ADGRL2: variants seen among roughly 807,000 people sequenced by gnomAD.
The protein encoded by ADGRL2 is adhesion G protein-coupled receptor L2, also known as calcium-independent alpha-latrotoxin receptor 2.
A neutral mutation model predicts 157.4 loss-of-function variants in ADGRL2; 44 were observed. That is an observed-to-expected ratio of 0.28 (90% CI 0.22 to 0.36). The LOEUF (loss-of-function observed/expected upper bound fraction) is 0.36, where lower values mean the gene tolerates loss of function less well. ADGRL2 is among the 10% of genes least tolerant of loss of function. The probability of loss-of-function intolerance (pLI) is 1.00; values close to 1 mark genes in which losing one functional copy is unlikely to be tolerated. For missense variants in ADGRL2, 1,510 were observed against 1,768.9 expected (o/e 0.85, Z 2.63); for synonymous variants, 585 against 624.7 (o/e 0.94, Z 0.95).
intron 2 of ADGRL2, among the ~76,000 whole-genome samples, chr1:81,880,677 C>T (rs903394344): frequency 1.3e-5 from 2 of 152,022 alleles, no homozygotes; most frequent in Non-Finnish European, 2.9e-5. Flanking sequence ...CGCCCCCCGC[C>T]CCATTCCGTC....
At chr1:81,482,039 T>G (rs1570231195) in intron 2 of ADGRL2, among the ~76,000 whole-genome samples, 1 of 152,238 alleles carries the variant, frequency 6.6e-6, no homozygotes, top group Non-Finnish European at 1.5e-5. Flanking sequence ...CTAAACTCTC[T>G]TTTAGTCTGA....
chr1:81,589,259 A>T (rs767024925), intron 3 of ADGRL2, among the ~76,000 whole-genome samples: 2 of 152,124 alleles, frequency 1.3e-5, no homozygotes, highest in Non-Finnish European at 2.9e-5. Context: ...GGTCCAATTA[A>T]CATGATTTTA....
At chr1:81,369,135 G>A (rs2076118270) in intron 1 of ADGRL2, among the ~76,000 whole-genome samples, 1 of 152,052 alleles carries the variant, frequency 6.6e-6, no homozygotes, top group South Asian at 2.1e-4. Context: ...GTGGGTGTGG[G>A]AGGGTTGGGA....
At chr1:81,522,067 C>T (rs1397065458) in intron 2 of ADGRL2, among the ~76,000 whole-genome samples, 2 of 150,832 alleles carry the variant, frequency 1.3e-5, no homozygotes, top group Admixed American at 6.6e-5. Context: ...TGGGTTCCGG[C>T]GATTCTCCTT....
chr1:81,536,981 A>C, intron 2 of ADGRL2, among the ~76,000 whole-genome samples: 1 of 152,244 alleles, frequency 6.6e-6, no homozygotes, highest in East Asian at 1.9e-4. Flanking sequence ...TACTGTGTGA[A>C]GTAAGAATAA....
intron 1 of ADGRL2, among the ~76,000 whole-genome samples, chr1:81,409,779 G>A (rs1343615422): frequency 6.6e-6 from 1 of 152,160 alleles, no homozygotes; most frequent in Non-Finnish European, 1.5e-5. Flanking sequence ...CTCAAAAGAA[G>A]AAGTGTGCAA....
intron 2 of ADGRL2, among the ~76,000 whole-genome samples, chr1:81,775,363 C>T (rs1031596648): frequency 7.2e-5 from 11 of 152,126 alleles, no homozygotes; most frequent in African/African-American, 2.7e-4. Flanking sequence ...CCCAGATAAA[C>T]TCTGCTGTAG....
chr1:81,531,535 C>T (rs188832674), intron 2 of ADGRL2, among the ~76,000 whole-genome samples: 5 of 152,208 alleles, frequency 3.3e-5, no homozygotes, highest in Admixed American at 3.3e-4. Flanking sequence ...AAGAAGAAAA[C>T]CAAACTCTCA....
chr1:81,753,034 G>C (rs2085540181), intron 1 of ADGRL2, among the ~76,000 whole-genome samples: 1 of 152,140 alleles, frequency 6.6e-6, no homozygotes, highest in African/African-American at 2.4e-5. Flanking sequence ...AACAAGAACA[G>C]GCTATGCAGG....
intron 3 of ADGRL2, among the ~76,000 whole-genome samples, chr1:81,683,023 C>T (rs2083153447): frequency 6.6e-6 from 1 of 152,160 alleles, no homozygotes; most frequent in South Asian, 2.1e-4. Flanking sequence ...ATCCCAGCTA[C>T]TCAGGAGGCT....
intron 2 of ADGRL2, among the ~76,000 whole-genome samples, chr1:81,874,607 T>C (rs151210745): frequency 6.9e-6 from 1 of 144,426 alleles, no homozygotes; most frequent in Non-Finnish European, 1.5e-5. Context: ...TGTCTTGTCT[T>C]GTTTGTCTTG....
At chr1:81,987,827 C>A in intron 22 of ADGRL2, 42 bp from the exon 23 acceptor site, 1 of 294,880 alleles carries the variant, frequency 3.4e-6, no homozygotes. Flanking sequence ...CTTCTCTTTT[C>A]ATTCTCTTGT....
intron 3 of ADGRL2, among the ~76,000 whole-genome samples, chr1:81,661,215 T>TC (rs566885410): frequency 1.3e-3 from 193 of 152,206 alleles, no homozygotes; most frequent in Non-Finnish European, 2.2e-3. Context: ...ATTGTGCCCC[T>TC]AGGAAATTAA....
chr1:81,579,107 T>A (rs2080855304), intron 2 of ADGRL2, among the ~76,000 whole-genome samples: 1 of 152,128 alleles, frequency 6.6e-6, no homozygotes, highest in Admixed American at 6.6e-5. Flanking sequence ...ATGGGAAGAA[T>A]CTCTTACTAT....
intron 13 of ADGRL2, among the ~76,000 whole-genome samples, chr1:81,967,824 T>C (rs1301051493): frequency 2.6e-5 from 4 of 152,194 alleles, no homozygotes; most frequent in Admixed American, 6.5e-5. Context: ...TAAAGTACAC[T>C]TTAGAGTCTT....
rs540454750 is a variant in ADGRL2, at chr1:81,504,176, C to A, written c.-248+59087C>A. Among the ~76,000 whole-genome samples, 12 of 152,300 alleles carry A rather than the reference C, an allele frequency of 7.9e-5. No individual in the cohort carries two copies. The South Asian group carries it at 2.5e-3, about 32-fold the overall frequency. ...CTGCCCAGCCCTGGCACCTGCTTCA[C>A]ACGGACCATTCTCTGGCCGCCCCCC... On this transcript the variant is annotated intron_variant, in intron 2 of 24. Transcript: ENST00000370721.
At chr1:81,836,306 GAA>G (rs1438430150) in intron 1 of ADGRL2, among the ~76,000 whole-genome samples, 1 of 152,074 alleles carries the variant, frequency 6.6e-6, no homozygotes, top group Non-Finnish European at 1.5e-5. Context: ...TCCTTTAACA[GAA>G]AAGTTTGTGA....
intron 2 of ADGRL2, among the ~76,000 whole-genome samples, chr1:81,558,117 CA>C (rs1352468424): frequency 1.3e-5 from 2 of 151,814 alleles, no homozygotes; most frequent in African/African-American, 2.4e-5. Context: ...AGTAGGTGCT[CA>C]AAAAAATCAT....
chr1:81,797,747 C>T (rs2087662798), upstream of ADGRL2, among the ~76,000 whole-genome samples: 1 of 152,010 alleles, frequency 6.6e-6, no homozygotes, highest in Non-Finnish European at 1.5e-5. Flanking sequence ...AATATATGAA[C>T]CCACTGAATA....
Sources: allele counts gnomAD v4.1 joint callset (sites outside exome capture counted in the v4.1 genomes callset), GRCh38; gene constraint gnomAD v4.1.1; transcripts MANE v1.5; gene names NCBI Gene and HGNC (gene_info 2026-07-23, HGNC 2026-07-21).